CYP3A7: variants seen among roughly 807,000 people sequenced by gnomAD.
The protein encoded by CYP3A7 is cytochrome P450 3A7.
Under a neutral mutation model 55.2 loss-of-function variants are expected in CYP3A7, and 45 were observed. The observed-to-expected ratio is 0.82, with a 90% CI of 0.64 to 1.05. The LOEUF is 1.05. Among genes scored for constraint, CYP3A7 ranks in the 50% least tolerant of loss-of-function variants. The probability of loss-of-function intolerance (pLI) is 0.00; values close to 1 mark genes in which losing one functional copy is unlikely to be tolerated. For missense variants in CYP3A7, 548 were observed against 605.3 expected (o/e 0.91, Z 0.99); for synonymous variants, 180 against 207.4 (o/e 0.87, Z 1.13).
chr7:99,730,920 G>T (rs372033234), intron 2 of CYP3A7, 139 bp downstream of exon 2: 9 of 1,170,884 alleles, frequency 7.7e-6, no homozygotes, highest in Admixed American at 7.2e-5. Flanking sequence ...ACTTTGCCAC[G>T]CTCTGGGTGA....
intron 11 of CYP3A7, among the ~76,000 whole-genome samples, chr7:99,708,700 A>G (rs1309050266): frequency 1.3e-5 from 2 of 152,166 alleles, no homozygotes; most frequent in East Asian, 1.9e-4. Context: ...AGATTTGAGT[A>G]TATTCAGGAA....
At chr7:99,711,826 C>T (rs922617384) in intron 9 of CYP3A7, among the ~76,000 whole-genome samples, 22 of 151,924 alleles carry the variant, frequency 1.4e-4, no homozygotes, top group African/African-American at 5.1e-4. Context: ...AATCTCAAAC[C>T]CCACCATTGA....
At chr7:99,728,066 G>A (rs1225967887) in intron 2 of CYP3A7, among the ~76,000 whole-genome samples, 1 of 152,100 alleles carries the variant, frequency 6.6e-6, no homozygotes, top group African/African-American at 2.4e-5. Context: ...GTCCCTCATG[G>A]CCAGTTTTTC....
At chr7:99,728,270 C>T (rs1419725440) in intron 2 of CYP3A7, among the ~76,000 whole-genome samples, 2 of 152,208 alleles carry the variant, frequency 1.3e-5, no homozygotes, top group African/African-American at 4.8e-5. Flanking sequence ...TAGAACTTCT[C>T]ATTTCCCTTA....
Position 99,717,514 on chromosome 7 carries a change from T to C in CYP3A7, c.432+12A>G. The C allele has an allele frequency of 1.2e-6, 2 of 1,613,490 alleles. No homozygotes were observed. Among genetic ancestry groups the C allele is most frequent in the Non-Finnish European group, 1.7e-6 (2 of 1,179,714 alleles). ...TTTAAGTTTCTAATTAAAACCCAAG[T>C]TATTTTCATACCTCCTTGAGTTTTC... On this transcript the variant is annotated intron_variant, in intron 5 of 12. Transcript: ENST00000336374.
In CYP3A7 at chr7:99,705,301, TCTC is replaced by T; in HGVS notation, c.*196_*198del. The T allele has an allele frequency of 1.7e-6, 1 of 578,316 alleles. No homozygotes were observed. The highest frequency in any genetic ancestry group is 2.9e-6 in the Non-Finnish European group (1 of 342,242). The allele number at this position is 578,316 out of a possible 1,614,324, so 35.8% of individuals were successfully genotyped here. A position where few individuals can be genotyped will look rare whatever the true frequency, so the allele number is the denominator to read the frequency against. On this transcript the variant is annotated 3_prime_UTR_variant, in exon 13 of 13. Coordinates refer to ENST00000336374, the MANE Select transcript of CYP3A7 (RefSeq NM_000765.5). ...TACTTCCCCAGCACTGATTTGGTCA[TCTC>T]CTCTATATTACCAAGTATAACACTC...
At chr7:99,720,630 CAG>C in intron 3 of CYP3A7, 1 of 495,548 alleles carries the variant, frequency 2.0e-6, no homozygotes, top group Non-Finnish European at 3.6e-6. Flanking sequence ...GTGGGCCAAA[CAG>C]GGAAGAGAGA....
intron 1 of CYP3A7, among the ~76,000 whole-genome samples, chr7:99,733,853 G>A (rs543675586): frequency 6.6e-6 from 1 of 152,278 alleles, no homozygotes; most frequent in South Asian, 2.1e-4. Context: ...TGCTAAGCAG[G>A]TGTATTTGAA....
chr7:99,734,669 T>G (rs959188924), intron 1 of CYP3A7, among the ~76,000 whole-genome samples: 45 of 151,438 alleles, frequency 3.0e-4, no homozygotes, highest in Non-Finnish European at 1.3e-4. Context: ...TTACCCAGGC[T>G]GGAGTGCAGT....
chr7:99,722,355 G>C lies in CYP3A7; in HGVS notation c.166-7C>G, dbSNP rs764744825. ...TGTCAAACGTCCAATAGCCCTGGGA[G>C]GAGAAACAAAATAATATTTCATTAT... On this transcript the variant is annotated splice_polypyrimidine_tract_variant and splice_region_variant and intron_variant, in intron 2 of 12. Coordinates refer to ENST00000336374, the MANE Select transcript of CYP3A7 (RefSeq NM_000765.5). The C allele has an allele frequency of 2.5e-6, 4 of 1,613,288 alleles. No individual in the cohort carries two copies. The Admixed American group carries it at 6.7e-5, about 27-fold the overall frequency.
At chr7:99,726,148 C>G (rs986780025) in intron 2 of CYP3A7, among the ~76,000 whole-genome samples, 1 of 152,142 alleles carries the variant, frequency 6.6e-6, no homozygotes, top group African/African-American at 2.4e-5. Flanking sequence ...TGTATCCCCC[C>G]ACCTTAACCC....
intron 4 of CYP3A7, among the ~76,000 whole-genome samples, chr7:99,718,716 G>T (rs1317808084): frequency 1.3e-5 from 2 of 152,132 alleles, no homozygotes; most frequent in Admixed American, 1.3e-4. Flanking sequence ...TAAAAGAATT[G>T]TCTCTATTTT....
At chr7:99,717,148 C>G (rs773432797) in intron 6 of CYP3A7, 29 bp downstream of exon 6, 2 of 1,613,366 alleles carry the variant, frequency 1.2e-6, no homozygotes, top group Non-Finnish European at 1.7e-6. Context: ...CATGACAGCT[C>G]AGAACCCCAT....
intron 11 of CYP3A7, among the ~76,000 whole-genome samples, chr7:99,708,740 G>A (rs1388598799): frequency 2.0e-5 from 3 of 152,052 alleles, no homozygotes; most frequent in Non-Finnish European, 2.9e-5. Flanking sequence ...CATAATAATA[G>A]CATTGTGATC....
chr7:99,725,208 T>G (rs1409426478), intron 2 of CYP3A7, among the ~76,000 whole-genome samples: 1 of 152,304 alleles, frequency 6.6e-6, no homozygotes, highest in African/African-American at 2.4e-5. Flanking sequence ...GCACCTACCA[T>G]TAGATGCTTC....
intron 10 of CYP3A7, among the ~76,000 whole-genome samples, chr7:99,710,081 C>A (rs548354204): frequency 6.6e-6 from 1 of 152,106 alleles, no homozygotes; most frequent in Non-Finnish European, 1.5e-5. Flanking sequence ...GAAGAACATC[C>A]CTTTGTGCTC....
rs78184363 is a variant in CYP3A7, at chr7:99,720,528, C to T, written c.219-116G>A. ...TACATAATCCTCTAGATGTACAATA[C>T]ACAGTAATCTTAAGTTCTAGTTCAT... is the stretch of plus-strand genomic sequence containing the variant. On this transcript the variant is annotated intron_variant, in intron 3 of 12. Transcript: ENST00000336374. 4 of 1,136,142 alleles carry T rather than the reference C, an allele frequency of 3.5e-6. No individual in the cohort carries two copies. In the African/African-American group the frequency reaches 6.2e-5, roughly 18 times the overall value. 70.4% of individuals were successfully genotyped at this position (1,136,142 alleles called of 1,614,324 possible).
rs1346129738 is a variant in CYP3A7 at position 99,707,950 on chromosome 7, G to C, written c.1278C>G (p.Asn426Lys). 12 of 1,613,762 alleles carry C rather than the reference G, an allele frequency of 7.4e-6. No individual in the cohort carries two copies. Among genetic ancestry groups the C allele is most frequent in the Non-Finnish European group, 1.0e-5 (12 of 1,179,832 alleles). ...PERFSKKNKDNIDPYIYTPFG... is the reference protein window; with the variant it reads ...PERFSKKNKDKIDPYIYTPFG... ...AGGGTGTGTATATGTAAGGATCTAT[G>C]TTGTCCTTGTTCTTTTTACTGAACC... Residue 426 changes from asparagine (N) to lysine (K), a missense_variant, in exon 12 of 13, where the codon AAC (asparagine) becomes AAG (lysine). Transcript: ENST00000336374.
intron 9 of CYP3A7, among the ~76,000 whole-genome samples, chr7:99,712,646 C>T (rs1380743318): frequency 6.6e-6 from 1 of 152,036 alleles, no homozygotes; most frequent in Non-Finnish European, 1.5e-5. Flanking sequence ...GATTGATGGA[C>T]AGATGATAGA....
Sources: allele counts gnomAD v4.1 joint callset (sites outside exome capture counted in the v4.1 genomes callset), GRCh38; gene constraint gnomAD v4.1.1; transcripts MANE v1.5; gene names NCBI Gene and HGNC (gene_info 2026-07-23, HGNC 2026-07-21).